The following ZFHX3 variants were observed in gnomAD, a reference collection of about 807,000 sequenced individuals.
The protein encoded by ZFHX3 is zinc finger homeobox protein 3.
In ZFHX3, 42 loss-of-function variants were observed where a neutral mutation model predicts 279.1. The ratio of observed to expected loss-of-function variants is 0.15; its 90% confidence interval spans 0.12 to 0.19. ZFHX3 has a LOEUF of 0.19. ZFHX3 is among the 10% of genes least tolerant of loss of function. The pLI, the probability that ZFHX3 is intolerant of heterozygous loss-of-function variation, is 1.00. For synonymous variants in ZFHX3, 2,293 were observed against 1,957.8 expected (o/e 1.17, Z -4.52); for missense variants, 4,981 against 4,754.0 (o/e 1.05, Z -1.40).
chr16:72,873,086 C>T (rs1177968856), intron 4 of ZFHX3, among the ~76,000 whole-genome samples: 3 of 152,224 alleles, frequency 2.0e-5, no homozygotes, highest in Non-Finnish European at 2.9e-5. Context: ...AGAGTATTTA[C>T]TTCCTGTTCC....
intron 3 of ZFHX3, among the ~76,000 whole-genome samples, chr16:73,437,140 AAAGT>A (rs1438436819): frequency 6.6e-6 from 1 of 152,156 alleles, no homozygotes; most frequent in Admixed American, 6.5e-5. Context: ...GGATGGTGCA[AAAGT>A]AATTGAGGGT....
chr16:73,772,863 T>C (rs2054034017), intron 1 of ZFHX3, among the ~76,000 whole-genome samples: 1 of 152,242 alleles, frequency 6.6e-6, no homozygotes, highest in Non-Finnish European at 1.5e-5. Flanking sequence ...ATTCTTGCTT[T>C]GGGAGAATCT....
At chr16:73,216,899 T>C (rs1185292477) in intron 5 of ZFHX3, among the ~76,000 whole-genome samples, 1 of 152,168 alleles carries the variant, frequency 6.6e-6, no homozygotes, top group Non-Finnish European at 1.5e-5. Flanking sequence ...TGGGTTTCAG[T>C]AGGAGACAGA....
intron 5 of ZFHX3, among the ~76,000 whole-genome samples, chr16:73,239,978 C>T (rs1290538703): frequency 6.6e-6 from 1 of 151,756 alleles, no homozygotes; most frequent in Non-Finnish European, 1.5e-5. Context: ...AATACAGAGC[C>T]TCGTTTTATG....
chr16:73,449,563 T>TA (rs1264518990), intron 3 of ZFHX3, among the ~76,000 whole-genome samples: 1 of 152,068 alleles, frequency 6.6e-6, no homozygotes, highest in Non-Finnish European at 1.5e-5. Flanking sequence ...TAAAGGTAAA[T>TA]AAAAAACAAT....
chr16:73,603,199 G>C (rs1042621384), intron 2 of ZFHX3, among the ~76,000 whole-genome samples: 2 of 151,164 alleles, frequency 1.3e-5, no homozygotes, highest in East Asian at 3.9e-4. Flanking sequence ...GCAGGAGAAT[G>C]GCGTGAACCC....
Position 73,578,740 on chromosome 16 carries a change from A to G in ZFHX3, c.-1547+101440T>C, listed in dbSNP as rs2143819422. Among the ~76,000 whole-genome samples, 3 of 152,216 alleles carry G rather than the reference A, an allele frequency of 2.0e-5. No individual in the cohort carries two copies. The South Asian group carries it at 6.2e-4, about 32-fold the overall frequency. On this transcript the variant is annotated intron_variant, in intron 2 of 17. Transcript: ENST00000641206. ...CATTTATTTTTATTTTTTTTATGAA[A>G]CTTTTCAAACATATTTAAAAGTAGT... is the stretch of plus-strand genomic sequence containing the variant.
rs144050302 is a variant in ZFHX3 at position 73,326,283 on chromosome 16, C to G, written c.-1290-7947G>C. 1.5e-3 allele frequency among the ~76,000 whole-genome samples: 224 copies of G among 152,252 alleles called. 1 individual carries two copies. The highest frequency in any genetic ancestry group is 4.8e-3 in the African/African-American group (199 of 41,532). On this transcript the variant is annotated intron_variant, in intron 3 of 17. Coordinates refer to the ZFHX3 transcript ENST00000641206. The stretch of plus-strand genomic sequence containing the variant: ...ATCTGGAAGGCAGCTAAAGGACAGA[C>G]CAGAAGACACTGAACCACATACGAA...
At chr16:73,412,326 CAAAAAAAAAA>C (rs60447973) in intron 3 of ZFHX3, among the ~76,000 whole-genome samples, 101 of 117,440 alleles carry the variant, frequency 8.6e-4, no homozygotes, top group African/African-American at 2.9e-3. Flanking sequence ...GAGACTGTTT[CAAAAAAAAAA>C]AAAAAAAAAA....
rs534289447 is a variant in ZFHX3, at chr16:73,793,428, T to C, written c.-1608+98223A>G. On this transcript the variant is annotated intron_variant, in intron 1 of 17. Transcript: ENST00000641206. ...AGCATCTCCTTGGCAAACATCATCA[T>C]TTCCAGGCTTCAATGTCAGCATCTG... is the stretch of plus-strand genomic sequence containing the variant. Among the ~76,000 whole-genome samples the C allele has an allele frequency of 2.6e-5, 4 of 152,384 alleles. No individual in the cohort carries two copies. The South Asian group carries it at 8.3e-4, about 32-fold the overall frequency.
intron 2 of ZFHX3, among the ~76,000 whole-genome samples, chr16:73,520,445 A>T (rs1015479645): frequency 3.3e-5 from 5 of 152,334 alleles, no homozygotes; most frequent in Admixed American, 3.3e-4. Flanking sequence ...CCAGATGAGG[A>T]ATTTTTAGAA....
At chr16:73,684,851 C>G (rs978606290) in intron 1 of ZFHX3, among the ~76,000 whole-genome samples, 4 of 151,954 alleles carry the variant, frequency 2.6e-5, no homozygotes, top group African/African-American at 9.7e-5. Context: ...CAGGCACGCA[C>G]CACCACACCT....
chr16:73,840,889 A>T (rs1416273794), intron 1 of ZFHX3, among the ~76,000 whole-genome samples: 1 of 152,106 alleles, frequency 6.6e-6, no homozygotes, highest in Non-Finnish European at 1.5e-5. Flanking sequence ...GTTGGGGAAG[A>T]GGTGGGTAGG....
intron 2 of ZFHX3, among the ~76,000 whole-genome samples, chr16:73,617,195 C>A (rs1332523141): frequency 6.6e-6 from 1 of 152,186 alleles, no homozygotes; most frequent in Non-Finnish European, 1.5e-5. Flanking sequence ...AGGAAGGGGC[C>A]CTATCATTAG....
At chr16:73,596,667 T>G (rs2052054022) in intron 2 of ZFHX3, among the ~76,000 whole-genome samples, 1 of 152,190 alleles carries the variant, frequency 6.6e-6, no homozygotes, top group Non-Finnish European at 1.5e-5. Flanking sequence ...GGATAAGCAT[T>G]TCTCCTCTAT....
intron 1 of ZFHX3, among the ~76,000 whole-genome samples, chr16:73,753,986 ATGTG>A (rs1310925312): frequency 6.8e-6 from 1 of 147,324 alleles, no homozygotes; most frequent in Non-Finnish European, 1.5e-5. Context: ...GTAAGAATCA[ATGTG>A]TGTGTGTGTG....
chr16:73,830,361 T>C (rs1407886140), intron 1 of ZFHX3, among the ~76,000 whole-genome samples: 1 of 151,354 alleles, frequency 6.6e-6, no homozygotes, highest in African/African-American at 2.4e-5. Flanking sequence ...AAATCACCCG[T>C]CTTCTGCGTC....
chr16:73,204,153 C>T (rs913472394), intron 5 of ZFHX3, among the ~76,000 whole-genome samples: 2 of 151,708 alleles, frequency 1.3e-5, no homozygotes, highest in Admixed American at 6.6e-5. Context: ...GCATCAGGGA[C>T]TGGTTTCATG....
At chr16:72,998,310 A>G (rs1230411607) in intron 1 of ZFHX3, among the ~76,000 whole-genome samples, 1 of 152,164 alleles carries the variant, frequency 6.6e-6, no homozygotes, top group African/African-American at 2.4e-5. Flanking sequence ...CTGAGGCACA[A>G]GAATTGCTTG....
Sources: allele counts gnomAD v4.1 joint callset (sites outside exome capture counted in the v4.1 genomes callset), GRCh38; gene constraint gnomAD v4.1.1; transcripts MANE v1.5; gene names NCBI Gene and HGNC (gene_info 2026-07-23, HGNC 2026-07-21).